Variants in SEMA4B observed in about 807,000 individuals in gnomAD.
The protein encoded by SEMA4B is semaphorin-4B.
Under a neutral mutation model 88.1 loss-of-function variants are expected in SEMA4B, and 55 were observed. The observed-to-expected ratio is 0.62, with a 90% CI of 0.50 to 0.78. The LOEUF (loss-of-function observed/expected upper bound fraction) is 0.78. Ranked by LOEUF, SEMA4B falls within the 30% of genes least tolerant of loss-of-function variation. The pLI is 0.00. For missense variants in SEMA4B, 1,062 were observed against 1,111.9 expected (o/e 0.96, Z 0.64); for synonymous variants, 525 against 473.6 (o/e 1.11, Z -1.41).
chr15:90,218,024 C>G, intron 3 of SEMA4B, 195 bp downstream of exon 3: 2 of 556,280 alleles, frequency 3.6e-6, no homozygotes, highest in South Asian at 4.0e-5. Context: ...CAAGTAGATT[C>G]ACCTGTCTAA....
At position 90,228,425 on chromosome 15, in the gene SEMA4B, C is replaced by T. The variant is rs1567065359; in HGVS notation, c.2296C>T (p.Pro766Ser). Residue 766 changes from proline (P) to serine (S), a missense_variant, in exon 14 of 14, where the codon CCC becomes TCC. Transcript: ENST00000411539. ...VHPKTCPVVL[P>S]PETRPLNGLG... ...CCCCAAGACCTGCCCTGTGGTGCTG[C>T]CCCCTGAGACCCGCCCACTCAACGG... is the stretch of plus-strand genomic sequence containing the variant. 1 of 1,605,974 alleles carries T rather than the reference C, an allele frequency of 6.2e-7. No homozygotes were observed. The highest frequency in any genetic ancestry group is 8.5e-7 in the Non-Finnish European group (1 of 1,176,062).
At chr15:90,186,916 G>C (rs1026415645) in intron 1 of SEMA4B, among the ~76,000 whole-genome samples, 23 of 152,024 alleles carry the variant, frequency 1.5e-4, no homozygotes, top group African/African-American at 5.1e-4. Context: ...CTGGGCGACA[G>C]AGCAAGACTC....
intron 1 of SEMA4B, among the ~76,000 whole-genome samples, chr15:90,202,335 G>A (rs1160124648): frequency 1.3e-5 from 2 of 152,314 alleles, no homozygotes; most frequent in East Asian, 3.9e-4. Context: ...TCCTGGGAGC[G>A]AACAGACTGC....
At chr15:90,186,081 G>A (rs1414643294) in intron 1 of SEMA4B, among the ~76,000 whole-genome samples, 1 of 151,778 alleles carries the variant, frequency 6.6e-6, no homozygotes, top group Non-Finnish European at 1.5e-5. Context: ...CTACAGGCGT[G>A]TGCCACCATG....
chr15:90,210,644 A>G (rs572611022), intron 1 of SEMA4B, among the ~76,000 whole-genome samples: 44 of 152,232 alleles, frequency 2.9e-4, no homozygotes, highest in Non-Finnish European at 4.0e-4. Flanking sequence ...AAGTGCTCAC[A>G]TACTTTAGCT....
intron 3 of SEMA4B, 34 bp from the exon 4 acceptor site, chr15:90,219,759 G>A (rs772689359): frequency 1.7e-5 from 27 of 1,561,870 alleles, no homozygotes; most frequent in Admixed American, 3.4e-5. Flanking sequence ...ATGCTTGGGC[G>A]TGGGACTGAT....
chr15:90,197,479 C>A (rs984100755), upstream of SEMA4B, among the ~76,000 whole-genome samples: 21 of 151,892 alleles, frequency 1.4e-4, no homozygotes, highest in Admixed American at 8.5e-4. Flanking sequence ...GCTCTGTCCC[C>A]CAGGCTGGAG....
At chr15:90,224,898 G>T in intron 9 of SEMA4B, 70 bp from the exon 10 acceptor site, 1 of 1,323,534 alleles carries the variant, frequency 7.6e-7, no homozygotes, top group Non-Finnish European at 1.1e-6. Context: ...GTCCACTGGG[G>T]AAGCAGGGCC....
intron 1 of SEMA4B, among the ~76,000 whole-genome samples, chr15:90,203,145 A>G (rs558555774): frequency 2.3e-4 from 35 of 152,348 alleles, no homozygotes; most frequent in African/African-American, 7.9e-4. Context: ...GAACCGCTGA[A>G]TGAGTGTTAC....
rs1343630550 is a variant in SEMA4B at position 90,217,463 on chromosome 15, G to C, written c.182G>C (p.Arg61Thr). Residue 61 changes from arginine to threonine, a missense_variant, in exon 2 of 14, where the codon AGA (arginine) becomes ACA (threonine). By Grantham distance (71) the Arg-to-Thr change is moderately conservative (BLOSUM62 -1). Transcript: ENST00000411539. ...PLGSEERPFLRFEAEHISNYT... is the reference protein window; with the variant it reads ...PLGSEERPFLTFEAEHISNYT... Reference sequence around the variant, plus strand: ...GGCTCTGAAGAGCGGCCATTCCTCAGATTCGAAGCTGAACACATCTCCAAC... The same window carrying C: ...GGCTCTGAAGAGCGGCCATTCCTCACATTCGAAGCTGAACACATCTCCAAC... 8.1e-6 allele frequency: 13 copies of C among 1,613,726 alleles called. No individual in the cohort carries two copies. Among genetic ancestry groups the C allele is most frequent in the African/African-American group, 1.3e-5 (1 of 75,034 alleles).
chr15:90,203,994 A>T (rs1015332279), intron 1 of SEMA4B, among the ~76,000 whole-genome samples: 125 of 142,494 alleles, frequency 8.8e-4, no homozygotes, highest in African/African-American at 3.1e-3. Context: ...CCCACCTCCT[A>T]CTCTTACCTA....
At chr15:90,203,789 G>A (rs1013943528) in intron 1 of SEMA4B, among the ~76,000 whole-genome samples, 1 of 152,172 alleles carries the variant, frequency 6.6e-6, no homozygotes, top group Non-Finnish European at 1.5e-5. Flanking sequence ...TAAGAGTCCT[G>A]GAGCAAAAGA....
chr15:90,211,906 G>A (rs920773532), intron 1 of SEMA4B, among the ~76,000 whole-genome samples: 1 of 152,158 alleles, frequency 6.6e-6, no homozygotes, highest in African/African-American at 2.4e-5. Context: ...CCAGGTCAGC[G>A]TCTTGCTGCC....
At chr15:90,206,644 C>A (rs1961004206) in intron 1 of SEMA4B, 2 of 658,250 alleles carry the variant, frequency 3.0e-6, no homozygotes, top group Non-Finnish European at 2.8e-6. Context: ...TGAAGACAGC[C>A]CTCATCCACG....
At chr15:90,226,374 T>C (rs1962173647) in intron 12 of SEMA4B, among the ~76,000 whole-genome samples, 1 of 152,202 alleles carries the variant, frequency 6.6e-6, no homozygotes, top group African/African-American at 2.4e-5. Context: ...GGAGACTCGC[T>C]CTGTCGCCCA....
At chr15:90,220,129 TC>T (rs1961737521) in intron 4 of SEMA4B, 1 of 492,672 alleles carries the variant, frequency 2.0e-6, no homozygotes, top group Non-Finnish European at 3.6e-6. Flanking sequence ...CCCATGAAGA[TC>T]CTGTGCCACC....
intron 1 of SEMA4B, among the ~76,000 whole-genome samples, chr15:90,208,752 C>T (rs978066312): frequency 1.4e-5 from 2 of 144,150 alleles, no homozygotes; most frequent in African/African-American, 2.6e-5. Context: ...TTTTCTTTTT[C>T]TTTTTTTTTT....
intron 9 of SEMA4B, 62 bp downstream of exon 9, chr15:90,224,050 C>G (rs1460282198): frequency 1.3e-6 from 2 of 1,530,526 alleles, no homozygotes; most frequent in Non-Finnish European, 1.8e-6. Flanking sequence ...CCACACCATG[C>G]TGGGAGCAAG....
At chr15:90,220,367 C>CTT (rs1320090623) in intron 4 of SEMA4B, 17 of 125,278 alleles carry the variant, frequency 1.4e-4, no homozygotes, top group Non-Finnish European at 2.4e-4. Context: ...TTTTTCTTTT[C>CTT]TTTTTTTTTT....
Sources: gnomAD v4.1 joint callset for allele counts (sites outside exome capture counted in the v4.1 genomes callset) on GRCh38, gnomAD v4.1.1 for gene constraint, MANE v1.5 for transcripts, NCBI Gene and HGNC (gene_info 2026-07-23, HGNC 2026-07-21) for gene names.